SLC5A11: variants seen among roughly 807,000 people sequenced by gnomAD.
SLC5A11 encodes sodium/myo-inositol cotransporter 2.
A neutral mutation model predicts 69.8 loss-of-function variants in SLC5A11; 48 were observed. The observed-to-expected ratio is 0.69, with a 90% CI of 0.55 to 0.87. The LOEUF (loss-of-function observed/expected upper bound fraction) is 0.87, where lower values mean the gene tolerates loss of function less well. Among genes scored for constraint, SLC5A11 ranks in the 40% least tolerant of loss-of-function variants. The probability of loss-of-function intolerance (pLI) is 0.00; values close to 1 mark genes in which losing one functional copy is unlikely to be tolerated. For synonymous variants in SLC5A11, 319 were observed against 342.4 expected, an observed-to-expected ratio of 0.93 and a Z score of 0.75; for missense variants, 784 against 866.1, an observed-to-expected ratio of 0.91 and a Z score of 1.19.
In SLC5A11 at chr16:24,908,866, G is replaced by A; in HGVS notation, c.1435-15G>A. On this transcript the variant is annotated splice_polypyrimidine_tract_variant and intron_variant, in intron 13 of 15. Coordinates refer to ENST00000347898, the Ensembl canonical transcript of SLC5A11. ...CCCTTGGCGTCTCTAAGATGATCTT[G>A]CTCTGATTTTGCAGGGTGCCTTCTG... 6.2e-7 allele frequency: 1 copy of A among 1,610,624 alleles called. No homozygotes were observed. Among genetic ancestry groups the A allele is most frequent in the East Asian group, 2.2e-5 (1 of 44,880 alleles).
chr16:24,869,231 A>T (rs1354551866), intron 3 of SLC5A11, among the ~76,000 whole-genome samples: 1 of 152,036 alleles, frequency 6.6e-6, no homozygotes, highest in Non-Finnish European at 1.5e-5. Flanking sequence ...TGAGCAGCAC[A>T]GGGTGAAACA....
At chr16:24,907,082 C>T in exon 12 of SLC5A11, 2 of 1,614,170 alleles carry the variant, frequency 1.2e-6, no homozygotes, top group Non-Finnish European at 1.7e-6. Context: ...TCCCTCACCT[C>T]CATCTTTAAC....
At chr16:24,863,657 A>T (rs1030917553) in intron 3 of SLC5A11, among the ~76,000 whole-genome samples, 20 of 152,314 alleles carry the variant, frequency 1.3e-4, no homozygotes, top group African/African-American at 4.8e-4. Context: ...GAAGCAAAAA[A>T]AAAAAATTGT....
At chr16:24,873,492 A>G (rs992694241) in intron 5 of SLC5A11, among the ~76,000 whole-genome samples, 1 of 151,910 alleles carries the variant, frequency 6.6e-6, no homozygotes, top group African/African-American at 2.4e-5. Flanking sequence ...ATAAAGAATT[A>G]GCTGAGACTG....
chr16:24,849,590 A>AT lies in SLC5A11; in HGVS notation c.-25+3152_-25+3153insT, dbSNP rs56682940. Among the ~76,000 whole-genome samples, 579 of 88,666 alleles carry AT rather than the reference A, an allele frequency of 6.5e-3. 16 individuals are homozygous for AT. The highest frequency in any genetic ancestry group is 0.017 in the African/African-American group (398 of 22,756). 58.2% of individuals were successfully genotyped at this position (88,666 alleles called of 152,430 possible). On this transcript the variant is annotated intron_variant, in intron 1 of 15. Coordinates refer to ENST00000347898, the Ensembl canonical transcript of SLC5A11. ...TTGGGGGCAAAAAAAAAAAAAAAAA[A>AT]AAAATATATATATATATATATATAT... is the stretch of plus-strand genomic sequence containing the variant.
chr16:24,888,449 G>GGTTACTCCA (rs1235855855), intron 8 of SLC5A11, among the ~76,000 whole-genome samples: 23 of 150,384 alleles, frequency 1.5e-4, no homozygotes, highest in Non-Finnish European at 2.4e-4. Flanking sequence ...TGACATTATG[G>GGTTACTCCA]GTTACTCCAG....
At chr16:24,865,479 C>A (rs886402177) in intron 3 of SLC5A11, among the ~76,000 whole-genome samples, 2 of 152,140 alleles carry the variant, frequency 1.3e-5, no homozygotes, top group African/African-American at 4.8e-5. Context: ...ATTGCTTGAA[C>A]CTGGGAGGCG....
At chr16:24,898,668 G>A (rs546473941) in intron 10 of SLC5A11, among the ~76,000 whole-genome samples, 7 of 152,094 alleles carry the variant, frequency 4.6e-5, no homozygotes, top group African/African-American at 7.2e-5. Flanking sequence ...ACAGGTGCCC[G>A]TCACCATGCC....
intron 3 of SLC5A11, among the ~76,000 whole-genome samples, chr16:24,862,964 T>A (rs964456450): frequency 2.9e-5 from 4 of 138,360 alleles, no homozygotes; most frequent in Non-Finnish European, 6.1e-5. Flanking sequence ...TAATTATATA[T>A]TATATAATAT....
chr16:24,871,785 A>C (rs562509133), intron 4 of SLC5A11, among the ~76,000 whole-genome samples: 1 of 152,232 alleles, frequency 6.6e-6, no homozygotes, highest in African/African-American at 2.4e-5. Flanking sequence ...GGTGAGAAAA[A>C]TGAGTCTCGG....
intron 5 of SLC5A11, among the ~76,000 whole-genome samples, chr16:24,874,756 AT>A (rs1327250694): frequency 6.6e-6 from 1 of 151,926 alleles, no homozygotes. Flanking sequence ...TAATTTTTGT[AT>A]TTTTAGTAGA....
chr16:24,862,769 A>C, intron 3 of SLC5A11, 97 bp downstream of exon 4: 75 of 1,094,548 alleles, frequency 6.9e-5, no homozygotes, highest in Non-Finnish European at 9.6e-5. Context: ...CTCTGGTCTC[A>C]TGTCGTTTGG....
chr16:24,889,168 CA>C (rs1480057302), intron 8 of SLC5A11, among the ~76,000 whole-genome samples: 4 of 151,986 alleles, frequency 2.6e-5, no homozygotes, highest in Non-Finnish European at 4.4e-5. Flanking sequence ...GAGAAAACAG[CA>C]TAATTAAGAA....
chr16:24,898,244 T>C lies in SLC5A11; in HGVS notation c.1006+135T>C. The C allele has an allele frequency of 3.3e-6, 4 of 1,194,630 alleles. No individual in the cohort carries two copies. The Admixed American group carries it at 1.1e-4, about 32-fold the overall frequency. The allele number at this position is 1,194,630 out of a possible 1,614,324, so 74.0% of individuals were successfully genotyped here. A position where few individuals can be genotyped will look rare whatever the true frequency, so the allele number is the denominator to read the frequency against. ...TCTCTTTTTCTAAGACAGAGTCTCA[T>C]TCTGTCATTCAGGTTGGAGTGCAGT... On this transcript the variant is annotated intron_variant, in intron 10 of 15. Transcript: ENST00000347898.
At chr16:24,876,783 G>A (rs2047703687) in intron 6 of SLC5A11, among the ~76,000 whole-genome samples, 1 of 152,192 alleles carries the variant, frequency 6.6e-6, no homozygotes, top group African/African-American at 2.4e-5. Context: ...CCAGACGGAA[G>A]CACCAGCACA....
intron 1 of SLC5A11, among the ~76,000 whole-genome samples, chr16:24,851,930 T>A (rs926893899): frequency 6.6e-6 from 1 of 152,030 alleles, no homozygotes; most frequent in South Asian, 2.1e-4. Flanking sequence ...TTGTAATTAG[T>A]CATTGTCATT....
At chr16:24,896,646 G>C (rs1303632986) in intron 9 of SLC5A11, among the ~76,000 whole-genome samples, 1 of 152,140 alleles carries the variant, frequency 6.6e-6, no homozygotes, top group Non-Finnish European at 1.5e-5. Flanking sequence ...TCAAAACTGG[G>C]CTGGTACTAT....
chr16:24,849,447 A>G (rs2059165656), intron 1 of SLC5A11, among the ~76,000 whole-genome samples: 1 of 150,974 alleles, frequency 6.6e-6, no homozygotes, highest in African/African-American at 2.4e-5. Flanking sequence ...CATGCCTGTA[A>G]TCCCAGCTAC....
intron 10 of SLC5A11, among the ~76,000 whole-genome samples, chr16:24,899,950 C>T (rs2049461733): frequency 1.3e-5 from 2 of 152,162 alleles, no homozygotes; most frequent in African/African-American, 2.4e-5. Context: ...GCAGTCCACC[C>T]ACTTCAGCCT....
Sources: allele counts gnomAD v4.1 joint callset (sites outside exome capture counted in the v4.1 genomes callset), GRCh38; gene constraint gnomAD v4.1.1; transcripts MANE v1.5; gene names NCBI Gene and HGNC (gene_info 2026-07-23, HGNC 2026-07-21).